The following SNAP91 variants were observed in gnomAD, a reference collection of about 807,000 sequenced individuals.
SNAP91 encodes synaptosome associated protein 91.
In SNAP91, 27 loss-of-function variants were observed where a neutral mutation model predicts 100.3. The ratio of observed to expected loss-of-function variants is 0.27; its 90% CI spans 0.20 to 0.37. The LOEUF is 0.37. Ranked by LOEUF, SNAP91 falls within the 10% of genes least tolerant of loss-of-function variation. The probability of loss-of-function intolerance (pLI) is 1.00; values close to 1 mark genes in which losing one functional copy is unlikely to be tolerated. For synonymous variants in SNAP91, 404 were observed against 398.6 expected (o/e 1.01, Z -0.16); for missense variants, 986 against 1,123.7 (o/e 0.88, Z 1.75).
At chr6:83,669,965 A>G (rs1412973047) in intron 2 of SNAP91, among the ~76,000 whole-genome samples, 1 of 151,964 alleles carries the variant, frequency 6.6e-6, no homozygotes, top group Non-Finnish European at 1.5e-5. Context: ...ATTTACATAT[A>G]TCTATTTATA....
chr6:83,564,047 A>T (rs2127920364), intron 26 of SNAP91, among the ~76,000 whole-genome samples: 1 of 152,286 alleles, frequency 6.6e-6, no homozygotes, highest in South Asian at 2.1e-4. Flanking sequence ...GATAGCCAAA[A>T]CAGTTTTGAA....
intron 2 of SNAP91, among the ~76,000 whole-genome samples, chr6:83,700,826 G>A (rs2099287104): frequency 1.3e-5 from 2 of 151,984 alleles, no homozygotes; most frequent in African/African-American, 4.8e-5. Context: ...TCAAACTCCT[G>A]GGCTAAACTG....
At chr6:83,697,658 GTTTA>G (rs1041913249) in intron 2 of SNAP91, among the ~76,000 whole-genome samples, 8 of 152,026 alleles carry the variant, frequency 5.3e-5, no homozygotes, top group African/African-American at 7.2e-5. Flanking sequence ...GTAATTTAAT[GTTTA>G]TTTGTTTGTA....
chr6:83,656,733 T>A lies in SNAP91; in HGVS notation c.658+21A>T, dbSNP rs377098939. ...ACTGTGTATCCCATCAGCCCAGACA[T>A]GTTTCGGTTGTTCCACCTACCGAGT... On this transcript the variant is annotated intron_variant, in intron 7 of 29. Transcript: ENST00000369694. The A allele has an allele frequency of 9.7e-6, 11 of 1,132,032 alleles. No individual in the cohort carries two copies. The African/African-American group carries it at 1.4e-4, about 14-fold the overall frequency. 70.1% of individuals were successfully genotyped at this position (1,132,032 alleles called of 1,614,324 possible).
At chr6:83,579,852 T>C (rs549549858) in intron 24 of SNAP91, among the ~76,000 whole-genome samples, 6 of 152,318 alleles carry the variant, frequency 3.9e-5, no homozygotes, top group Admixed American at 1.3e-4. Context: ...TCCTACCCTG[T>C]AGCACTCCCA....
intron 8 of SNAP91, among the ~76,000 whole-genome samples, chr6:83,630,787 A>C (rs908726411): frequency 1.4e-5 from 2 of 146,004 alleles, no homozygotes; most frequent in Admixed American, 6.8e-5. Flanking sequence ...AAAAAAAAAA[A>C]CAGCTTTTTG....
chr6:83,589,761 T>C (rs2093447234), intron 22 of SNAP91, among the ~76,000 whole-genome samples: 1 of 152,152 alleles, frequency 6.6e-6, no homozygotes, highest in African/African-American at 2.4e-5. Context: ...GACTACCTGC[T>C]TTAGCTTCCT....
intron 7 of SNAP91, among the ~76,000 whole-genome samples, chr6:83,655,060 G>A (rs7749486): frequency 6.6e-6 from 1 of 152,106 alleles, no homozygotes; most frequent in African/African-American, 2.4e-5. Flanking sequence ...TGTATTTAGT[G>A]GGCAAGAACT....
chr6:83,665,341 TC>T (rs1291264496), intron 3 of SNAP91, 97 bp downstream of exon 3: 4 of 1,174,170 alleles, frequency 3.4e-6, no homozygotes, highest in Non-Finnish European at 2.4e-6. Flanking sequence ...TTTCTTTTTC[TC>T]CTAATTAGTG....
At chr6:83,661,163 C>T (rs1296482845) in intron 5 of SNAP91, among the ~76,000 whole-genome samples, 1 of 152,078 alleles carries the variant, frequency 6.6e-6, no homozygotes, top group East Asian at 1.9e-4. Context: ...TTAATTCCCT[C>T]CTTCTTAAAT....
intron 2 of SNAP91, among the ~76,000 whole-genome samples, chr6:83,670,045 C>G (rs1278916574): frequency 6.6e-6 from 1 of 151,870 alleles, no homozygotes; most frequent in Non-Finnish European, 1.5e-5. Context: ...TTTAAGTAAA[C>G]ATTTAATTTT....
intron 11 of SNAP91, 33 bp from the exon 12 acceptor site, chr6:83,610,710 A>AATGAATATAT (rs2095967850): frequency 4.8e-6 from 1 of 210,344 alleles, no homozygotes; most frequent in Non-Finnish European, 9.1e-6. Flanking sequence ...ATTAAAACTG[A>AATGAATATAT]ATATATATAT....
At chr6:83,684,909 A>G (rs1194684101) in intron 2 of SNAP91, among the ~76,000 whole-genome samples, 1 of 152,204 alleles carries the variant, frequency 6.6e-6, no homozygotes, top group Non-Finnish European at 1.5e-5. Context: ...TATTCTTAAA[A>G]TGAGTTACAA....
In SNAP91 at chr6:83,575,014, G is replaced by A. The variant is rs1241133039; in HGVS notation, c.2438C>T (p.Pro813Leu). The A allele has an allele frequency of 1.9e-6, 3 of 1,585,892 alleles. No individual in the cohort carries two copies. Among genetic ancestry groups the A allele is most frequent in the Non-Finnish European group, 2.6e-6 (3 of 1,163,284 alleles). ...TGGGCTCTGATTGCTACATACCAAA[G>A]GTGCACTTGGTGGAACGCCTGCTGA... ...TWSAGVPPSA[P>L]LQGAVPPTSS... Residue 813 changes from proline to leucine, a missense_variant, in exon 26 of 30, where the codon CCT (proline) becomes CTT (leucine). Pro to Leu is a moderately conservative substitution (Grantham distance 98). Coordinates refer to ENST00000369694, the MANE Select transcript of SNAP91 (RefSeq NM_001242792.2).
chr6:83,584,549 G>A (rs1039915737), intron 22 of SNAP91, among the ~76,000 whole-genome samples: 5 of 152,042 alleles, frequency 3.3e-5, no homozygotes, highest in Admixed American at 2.6e-4. Context: ...TTAAAGGTAA[G>A]CCAACATTGG....
chr6:83,634,613 C>T (rs1028653682), intron 8 of SNAP91, among the ~76,000 whole-genome samples: 1 of 152,084 alleles, frequency 6.6e-6, no homozygotes, highest in Non-Finnish European at 1.5e-5. Flanking sequence ...TCCCAGTCAC[C>T]ACGATCCCCA....
intron 2 of SNAP91, among the ~76,000 whole-genome samples, chr6:83,694,652 A>G (rs2099171600): frequency 6.6e-6 from 1 of 152,212 alleles, no homozygotes; most frequent in Admixed American, 6.5e-5. Flanking sequence ...TTAGTTCAGA[A>G]TCACTGAAAA....
intron 2 of SNAP91, among the ~76,000 whole-genome samples, chr6:83,697,717 G>A (rs1034067218): frequency 6.6e-6 from 1 of 152,062 alleles, no homozygotes; most frequent in African/African-American, 2.4e-5. Flanking sequence ...TCTTTTGAGA[G>A]AAAGAATTGA....
intron 26 of SNAP91, among the ~76,000 whole-genome samples, chr6:83,573,233 C>T (rs1811617827): frequency 6.6e-6 from 1 of 152,122 alleles, no homozygotes; most frequent in Non-Finnish European, 1.5e-5. Context: ...ACCTAGGAAT[C>T]CAACTTACAA....
Sources: gnomAD v4.1 joint callset for allele counts (sites outside exome capture counted in the v4.1 genomes callset) on GRCh38, gnomAD v4.1.1 for gene constraint, MANE v1.5 for transcripts, NCBI Gene and HGNC (gene_info 2026-07-23, HGNC 2026-07-21) for gene names.